The following PLA2G4A variants were observed in gnomAD, a reference collection of about 807,000 sequenced individuals.
The protein encoded by PLA2G4A is phospholipase A2 group IVA, also known as cytosolic phospholipase A2.
A neutral mutation model predicts 81.9 loss-of-function variants in PLA2G4A; 40 were observed. That is an observed-to-expected ratio of 0.49 (90% CI 0.38 to 0.64). The LOEUF is 0.64. Ranked by LOEUF, PLA2G4A falls within the 30% of genes least tolerant of loss-of-function variation. The pLI, the probability that PLA2G4A is intolerant of heterozygous loss-of-function variation, is 0.00. For missense variants in PLA2G4A, 715 were observed against 905.1 expected (o/e 0.79, Z 2.69); for synonymous variants, 302 against 296.9 (o/e 1.02, Z -0.18).
intron 14 of PLA2G4A, among the ~76,000 whole-genome samples, chr1:186,960,838 T>C (rs1362683244): frequency 6.6e-6 from 1 of 152,174 alleles, no homozygotes; most frequent in Non-Finnish European, 1.5e-5. Context: ...GTGGAAGCCA[T>C]AGGAAGGAGA....
intron 7 of PLA2G4A, among the ~76,000 whole-genome samples, chr1:186,921,083 C>T (rs1558439563): frequency 6.6e-6 from 1 of 152,256 alleles, no homozygotes; most frequent in East Asian, 1.9e-4. Context: ...ACCTTATTTA[C>T]ATTTGTAGTC....
intron 7 of PLA2G4A, among the ~76,000 whole-genome samples, chr1:186,925,995 G>T (rs537177611): frequency 1.7e-4 from 26 of 152,276 alleles, no homozygotes; most frequent in African/African-American, 5.3e-4. Context: ...GAGTAAATTT[G>T]CTAGAGAGAG....
intron 1 of PLA2G4A, among the ~76,000 whole-genome samples, chr1:186,830,953 G>GCTTTCTTT (rs1491301817): frequency 2.1e-3 from 100 of 47,244 alleles, no homozygotes; most frequent in Non-Finnish European, 3.0e-3. Context: ...TTGCTTGCTT[G>GCTTTCTTT]CTTGCTTTCT....
intron 2 of PLA2G4A, among the ~76,000 whole-genome samples, chr1:186,867,148 A>G (rs1426695796): frequency 6.6e-6 from 1 of 151,840 alleles, no homozygotes; most frequent in Non-Finnish European, 1.5e-5. Context: ...TCAGTCCTCT[A>G]ATTTTTTTCT....
intron 7 of PLA2G4A, among the ~76,000 whole-genome samples, chr1:186,927,823 G>T (rs958551042): frequency 1.2e-4 from 19 of 152,198 alleles, no homozygotes; most frequent in African/African-American, 4.6e-4. Flanking sequence ...GGAGATAAGA[G>T]AAATCAACCT....
intron 12 of PLA2G4A, among the ~76,000 whole-genome samples, chr1:186,949,370 GA>G (rs1300174589): frequency 2.3e-4 from 7 of 31,026 alleles, no homozygotes; most frequent in South Asian, 2.8e-3. Context: ...GAGAAAGAAA[GA>G]AAAGAAAGAA....
In PLA2G4A at chr1:186,988,538, G is replaced by T; in HGVS notation, c.*30G>T. The T allele has an allele frequency of 6.2e-7, 1 of 1,602,288 alleles. No homozygotes were observed. The highest frequency in any genetic ancestry group is 1.1e-5 in the South Asian group (1 of 90,546). On this transcript the variant is annotated 3_prime_UTR_variant, in exon 18 of 18. Coordinates refer to ENST00000367466, the MANE Select transcript of PLA2G4A (RefSeq NM_024420.3). ...TGTACTGGAAATGGCAGCAGTTTCT[G>T]ATGCTGAGGCAGTTTGCAATCCCAT... is the stretch of plus-strand genomic sequence containing the variant.
intron 1 of PLA2G4A, among the ~76,000 whole-genome samples, chr1:186,849,984 C>A (rs1652316008): frequency 6.6e-6 from 1 of 152,066 alleles, no homozygotes; most frequent in Non-Finnish European, 1.5e-5. Context: ...ACCAGTATGG[C>A]TTTAGCATAG....
chr1:186,956,854 T>C (rs1165368320), intron 14 of PLA2G4A, among the ~76,000 whole-genome samples: 1 of 151,812 alleles, frequency 6.6e-6, no homozygotes, highest in East Asian at 1.9e-4. Flanking sequence ...GGAGAGGAAA[T>C]GGCCTAGACA....
intron 2 of PLA2G4A, among the ~76,000 whole-genome samples, chr1:186,856,592 A>G (rs1157631420): frequency 2.0e-5 from 3 of 152,096 alleles, no homozygotes; most frequent in Non-Finnish European, 4.4e-5. Flanking sequence ...GAGTTTTGCC[A>G]TGTTGGCCAG....
intron 2 of PLA2G4A, among the ~76,000 whole-genome samples, chr1:186,868,641 T>C (rs1321166326): frequency 6.6e-6 from 1 of 152,200 alleles, no homozygotes; most frequent in Admixed American, 6.5e-5. Flanking sequence ...AATTTAACAG[T>C]GAAACCATGT....
Position 186,870,507 on chromosome 1 carries a change from G to T in PLA2G4A, c.106G>T (p.Gly36Cys), listed in dbSNP as rs1384107271. The change falls in exon 3 of 18, where the codon GGT (glycine) becomes TGT (cysteine). Residue 36 changes from glycine (G) to cysteine (C), a missense_variant. By Grantham distance (159) the Gly-to-Cys change is radical. Transcript: ENST00000367466. ...RATKVTKGAF[G>C]DMLDTPDPYV... ...CACCAAAGTGACAAAGGGGGCCTTT[G>T]GTGACATGCGTAAGTGCCCTTTTTT... is the stretch of plus-strand genomic sequence containing the variant. 1.2e-6 allele frequency: 2 copies of T among 1,607,852 alleles called. No homozygotes were observed. Among genetic ancestry groups the T allele is most frequent in the African/African-American group, 2.7e-5 (2 of 74,792 alleles).
chr1:186,935,062 T>G (rs1321520523), intron 8 of PLA2G4A, among the ~76,000 whole-genome samples: 1 of 151,900 alleles, frequency 6.6e-6, no homozygotes, highest in Admixed American at 6.6e-5. Context: ...TAATGGAGAC[T>G]GCAAATAAGC....
chr1:186,891,396 T>C (rs1654136056), intron 3 of PLA2G4A, among the ~76,000 whole-genome samples: 1 of 141,472 alleles, frequency 7.1e-6, no homozygotes, highest in Non-Finnish European at 1.5e-5. Flanking sequence ...GCAAGTCTTA[T>C]TCATTTTTCT....
chr1:186,861,884 A>G lies in PLA2G4A; in HGVS notation c.33+7497A>G, dbSNP rs193099650. 3.6e-3 allele frequency among the ~76,000 whole-genome samples: 543 copies of G among 152,090 alleles called. 5 individuals carry two copies. The highest frequency in any genetic ancestry group is 0.012 in the African/African-American group (508 of 41,508). Reference sequence around the variant, plus strand: ...ATAAATAAAGGAAGGACTCCTCCCCATTGAAGGCTGTGTGCTCAGAGTAAG... The same window carrying G: ...ATAAATAAAGGAAGGACTCCTCCCCGTTGAAGGCTGTGTGCTCAGAGTAAG... On this transcript the variant is annotated intron_variant, in intron 2 of 17. Transcript: ENST00000367466.
intron 8 of PLA2G4A, among the ~76,000 whole-genome samples, chr1:186,938,072 A>G (rs935313422): frequency 1.4e-4 from 22 of 152,126 alleles, no homozygotes; most frequent in Admixed American, 6.6e-5. Context: ...GAATGTTTAC[A>G]TATTCTATTT....
intron 2 of PLA2G4A, among the ~76,000 whole-genome samples, chr1:186,856,465 C>T (rs1291580308): frequency 6.6e-6 from 1 of 151,026 alleles, no homozygotes; most frequent in Non-Finnish European, 1.5e-5. Context: ...TCAGAGCTCA[C>T]TGCAACTACC....
chr1:186,984,843 G>T (rs540993186), intron 17 of PLA2G4A, among the ~76,000 whole-genome samples: 1 of 152,198 alleles, frequency 6.6e-6, no homozygotes, highest in East Asian at 1.9e-4. Flanking sequence ...TAAAAGTTTT[G>T]AGTGCTTCAT....
At chr1:186,945,295 T>C (rs146797647) in intron 10 of PLA2G4A, among the ~76,000 whole-genome samples, 1,666 of 152,190 alleles carry the variant, frequency 0.011, 17 homozygotes, top group Non-Finnish European at 0.016. Flanking sequence ...CAAAATGTGA[T>C]AGAACATTGT....
Sources: allele counts gnomAD v4.1 joint callset (sites outside exome capture counted in the v4.1 genomes callset), GRCh38; gene constraint gnomAD v4.1.1; transcripts MANE v1.5; gene names NCBI Gene and HGNC (gene_info 2026-07-23, HGNC 2026-07-21).